LIN28B: variants seen among roughly 807,000 people sequenced by gnomAD.
LIN28B encodes protein lin-28 homolog B.
Under a neutral mutation model 21.9 loss-of-function variants are expected in LIN28B, and 5 were observed. The observed-to-expected ratio is 0.23, with a 90% CI of 0.12 to 0.48. The LOEUF (loss-of-function observed/expected upper bound fraction) is 0.48, where lower values mean the gene tolerates loss of function less well. LIN28B is among the 20% of genes least tolerant of loss of function. The pLI is 0.98. For missense variants in LIN28B, 245 were observed against 310.5 expected (o/e 0.79, Z 1.58); for synonymous variants, 109 against 111.3 (o/e 0.98, Z 0.13).
At chr6:104,946,874 T>G (rs1348414953) in intron 2 of LIN28B, among the ~76,000 whole-genome samples, 1 of 152,174 alleles carries the variant, frequency 6.6e-6, no homozygotes, top group East Asian at 1.9e-4. Flanking sequence ...AAAAATTATC[T>G]GAAGTATTTT....
At chr6:105,017,099 A>T (rs1475161015) in intron 2 of LIN28B, among the ~76,000 whole-genome samples, 2 of 151,026 alleles carry the variant, frequency 1.3e-5, no homozygotes, top group Non-Finnish European at 3.0e-5. Context: ...AAAAAGAAAG[A>T]TAACAGACAC....
chr6:104,944,090 A>T (rs1778128925), intron 2 of LIN28B, among the ~76,000 whole-genome samples: 1 of 151,896 alleles, frequency 6.6e-6, no homozygotes, highest in Non-Finnish European at 1.5e-5. Context: ...TTCAAGTAGC[A>T]TCATGACTAT....
chr6:104,956,122 T>C (rs1486908647), upstream of LIN28B, among the ~76,000 whole-genome samples: 1 of 152,114 alleles, frequency 6.6e-6, no homozygotes, highest in Non-Finnish European at 1.5e-5. Context: ...CACTTGTCCT[T>C]CTTTCTCCAC....
At position 105,004,852 on chromosome 6, in the gene LIN28B, C is replaced by T. The variant is rs116836481; in HGVS notation, c.199-21446C>T. 5.0e-3 allele frequency among the ~76,000 whole-genome samples: 757 copies of T among 152,294 alleles called. 5 individuals carry two copies. Among genetic ancestry groups the T allele is most frequent in the African/African-American group, 0.017 (725 of 41,544 alleles). The stretch of plus-strand genomic sequence containing the variant: ...CTTGGAGAATCATTCCTATAGCTTA[C>T]CATACTCCTGCTCCAGTCCAGACTC... On this transcript the variant is annotated intron_variant, in intron 2 of 3. Transcript: ENST00000345080.
chr6:104,960,691 A>G (rs1769722674), intron 2 of LIN28B, among the ~76,000 whole-genome samples: 1 of 152,102 alleles, frequency 6.6e-6, no homozygotes. Flanking sequence ...TGTCCTTAAT[A>G]AATACATAAA....
Position 105,078,692 on chromosome 6 carries a change from C to T in LIN28B, c.662C>T (p.Ser221Leu). Reference protein sequence around the residue: ...RAEISERSGRSPQEASSTKSS... With the variant: ...RAEISERSGRLPQEASSTKSS... ...GAGATCTCAGAACGGTCAGGCAGGT[C>T]ACCTCAAGAAGCTTCCTCCACGAAG... Residue 221 changes from serine (S) to leucine (L), a missense_variant, in exon 4 of 4, where the codon TCA becomes TTA. Ser to Leu is a moderately radical substitution (Grantham distance 145). Coordinates refer to ENST00000345080, the MANE Select transcript of LIN28B (RefSeq NM_001004317.4). 1 of 1,614,104 alleles carries T rather than the reference C, an allele frequency of 6.2e-7. No individual in the cohort carries two copies. The highest frequency in any genetic ancestry group is 1.3e-5 in the African/African-American group (1 of 75,022).
chr6:105,030,905 G>T (rs925425930), intron 3 of LIN28B, among the ~76,000 whole-genome samples: 9 of 151,640 alleles, frequency 5.9e-5, no homozygotes, highest in Non-Finnish European at 5.9e-5. Flanking sequence ...ATTAATTTCT[G>T]TTATACTGTT....
In LIN28B at chr6:104,978,566, C is replaced by CT. The variant is rs879657670; in HGVS notation, c.198+20292dup. ...TGAAAGGAGTATAAAGGTATCCTGT[C>CT]TTTTTTTTTTTTAATTAAAAAAATG... On this transcript the variant is annotated intron_variant, in intron 2 of 3. Coordinates refer to ENST00000345080, the MANE Select transcript of LIN28B (RefSeq NM_001004317.4). 1.2e-3 allele frequency among the ~76,000 whole-genome samples: 176 copies of CT among 141,408 alleles called. 2 individuals carry two copies. The highest frequency in any genetic ancestry group is 3.6e-3 in the African/African-American group (141 of 38,694). 92.8% of individuals were successfully genotyped at this position (141,408 alleles called of 152,430 possible).
At chr6:104,994,028 G>A (rs1311223311) in intron 2 of LIN28B, among the ~76,000 whole-genome samples, 2 of 151,714 alleles carry the variant, frequency 1.3e-5, no homozygotes, top group Non-Finnish European at 2.9e-5. Flanking sequence ...TTTTTGAGAC[G>A]GAGTCTCCTT....
intron 2 of LIN28B, among the ~76,000 whole-genome samples, chr6:105,015,392 T>C (rs558257557): frequency 5.3e-5 from 8 of 152,194 alleles, no homozygotes; most frequent in Non-Finnish European, 1.2e-4. Context: ...CTCTGATTTT[T>C]TATTTTTATA....
rs1311063564 is a variant in LIN28B at position 105,082,379 on chromosome 6, A to T, written c.*3596A>T. On this transcript the variant is annotated 3_prime_UTR_variant, in exon 4 of 4. Transcript: ENST00000345080. Reference sequence around the variant, plus strand: ...GTATTTAGTTTGTGAATAGGAGCCCATAAGTGTTAATAGACTTTGTAACAT... The same window carrying T: ...GTATTTAGTTTGTGAATAGGAGCCCTTAAGTGTTAATAGACTTTGTAACAT... 1 of 152,666 alleles carries T rather than the reference A, an allele frequency of 6.6e-6. No homozygotes were observed. Among genetic ancestry groups the T allele is most frequent in the African/African-American group, 2.4e-5 (1 of 41,464 alleles). The allele number at this position is 152,666 out of a possible 1,614,324, so 9.5% of individuals were successfully genotyped here.
intron 3 of LIN28B, among the ~76,000 whole-genome samples, chr6:105,038,774 C>G (rs9500021): frequency 0.025 from 3,760 of 152,090 alleles, 174 homozygotes; most frequent in African/African-American, 0.087. Flanking sequence ...AAAGAAAAAA[C>G]AAAGCCTGAC....
chr6:105,013,041 G>A lies in LIN28B; in HGVS notation c.199-13257G>A, dbSNP rs1770955931. On this transcript the variant is annotated intron_variant, in intron 2 of 3. Transcript: ENST00000345080. ...TTGTTTGTTTGTGTTTTGAGACGGA[G>A]TTTTGCTCTTGTTACCCAGGCTGGG... Among the ~76,000 whole-genome samples, 3 of 152,056 alleles carry A rather than the reference G, an allele frequency of 2.0e-5. No individual in the cohort carries two copies. In the South Asian group the frequency reaches 6.2e-4, roughly 32 times the overall value.
At chr6:104,948,122 G>GT (rs573838360) in intron 2 of LIN28B, among the ~76,000 whole-genome samples, 20 of 152,034 alleles carry the variant, frequency 1.3e-4, no homozygotes, top group African/African-American at 4.3e-4. Flanking sequence ...TTAGGTTTTT[G>GT]TTTTCTAAGA....
At chr6:104,979,497 C>T (rs1027677055) in intron 2 of LIN28B, among the ~76,000 whole-genome samples, 3 of 151,844 alleles carry the variant, frequency 2.0e-5, no homozygotes, top group African/African-American at 4.8e-5. Flanking sequence ...TGTGAGACAC[C>T]GTGCCCAGCC....
intron 2 of LIN28B, among the ~76,000 whole-genome samples, chr6:104,986,194 C>A (rs868706715): frequency 1.3e-5 from 2 of 152,134 alleles, no homozygotes; most frequent in Non-Finnish European, 2.9e-5. Flanking sequence ...TCTCCTTCAC[C>A]TTCTGCCATG....
intron 3 of LIN28B, among the ~76,000 whole-genome samples, chr6:105,073,852 T>A (rs1226418098): frequency 8.5e-5 from 13 of 152,218 alleles, no homozygotes; most frequent in Non-Finnish European, 1.9e-4. Context: ...TATTTTAACC[T>A]AGTGGTTGTC....
chr6:104,948,258 G>A (rs1198199358), intron 2 of LIN28B, among the ~76,000 whole-genome samples: 1 of 151,954 alleles, frequency 6.6e-6, no homozygotes, highest in East Asian at 1.9e-4. Context: ...CACAAGGTCA[G>A]GAGTTCGAGG....
intron 3 of LIN28B, among the ~76,000 whole-genome samples, chr6:105,077,782 G>A (rs1772464014): frequency 6.6e-6 from 1 of 151,928 alleles, no homozygotes; most frequent in African/African-American, 2.4e-5. Context: ...AAAATTACTT[G>A]GTAATTTGCC....
Sources: gnomAD v4.1 joint callset for allele counts (sites outside exome capture counted in the v4.1 genomes callset) on GRCh38, gnomAD v4.1.1 for gene constraint, MANE v1.5 for transcripts, NCBI Gene and HGNC (gene_info 2026-07-23, HGNC 2026-07-21) for gene names.